The following SYN3 variants were observed in gnomAD, a reference collection of about 807,000 sequenced individuals.
SYN3 encodes synapsin-3.
A neutral mutation model predicts 65.8 loss-of-function variants in SYN3; 35 were observed. The observed-to-expected ratio is 0.53, with a 90% CI of 0.41 to 0.70. The LOEUF is 0.70. Ranked by LOEUF, SYN3 falls within the 30% of genes least tolerant of loss-of-function variation. The probability of loss-of-function intolerance (pLI) is 0.00; values close to 1 mark genes in which losing one functional copy is unlikely to be tolerated. For missense variants in SYN3, 680 were observed against 749.0 expected, an observed-to-expected ratio of 0.91 and a Z score of 1.08; for synonymous variants, 270 against 292.9, an observed-to-expected ratio of 0.92 and a Z score of 0.80.
intron 1 of SYN3, among the ~76,000 whole-genome samples, chr22:33,024,257 C>A (rs1439737058): frequency 6.6e-6 from 1 of 152,214 alleles, no homozygotes; most frequent in Non-Finnish European, 1.5e-5. Flanking sequence ...CACTCTTGAG[C>A]TTCTTTCCAT....
chr22:32,952,305 T>C (rs1432115502), intron 3 of SYN3, among the ~76,000 whole-genome samples: 1 of 150,714 alleles, frequency 6.6e-6, no homozygotes, highest in Non-Finnish European at 1.5e-5. Context: ...GGGGGGTGTG[T>C]GTGTGTGTGG....
chr22:32,834,319 A>G (rs1418096809), intron 6 of SYN3, among the ~76,000 whole-genome samples: 2 of 45,358 alleles, frequency 4.4e-5, no homozygotes, highest in Non-Finnish European at 1.1e-4. Flanking sequence ...CATCTGGCTA[A>G]TTTATTTTTT....
chr22:32,579,462 C>T (rs1032293940), intron 7 of SYN3, among the ~76,000 whole-genome samples: 4 of 152,136 alleles, frequency 2.6e-5, no homozygotes, highest in Admixed American at 2.0e-4. Flanking sequence ...ACACCTCCTA[C>T]GTAAGGGCAC....
intron 7 of SYN3, among the ~76,000 whole-genome samples, chr22:32,574,687 G>T (rs140424265): frequency 6.6e-6 from 1 of 152,122 alleles, no homozygotes; most frequent in African/African-American, 2.4e-5. Flanking sequence ...CTTTGCCCTT[G>T]GTACTCCCTC....
intron 4 of SYN3, among the ~76,000 whole-genome samples, chr22:32,893,886 A>T (rs1381050181): frequency 6.6e-6 from 1 of 152,062 alleles, no homozygotes; most frequent in Non-Finnish European, 1.5e-5. Context: ...GTCCTTCAAC[A>T]GTGCACATTT....
At chr22:32,679,873 G>T (rs2147107608) in intron 6 of SYN3, among the ~76,000 whole-genome samples, 5 of 41,588 alleles carry the variant, frequency 1.2e-4, no homozygotes, top group African/African-American at 2.4e-4. Context: ...TTGAGTTTTA[G>T]GAATTCCTTA....
At chr22:32,769,599 C>T (rs2045717314) in intron 6 of SYN3, among the ~76,000 whole-genome samples, 1 of 152,050 alleles carries the variant, frequency 6.6e-6, no homozygotes. Flanking sequence ...TCAACGCAAC[C>T]TCCGCCTCCC....
intron 6 of SYN3, among the ~76,000 whole-genome samples, chr22:32,626,343 T>A (rs2059666032): frequency 6.6e-6 from 1 of 152,044 alleles, no homozygotes; most frequent in Non-Finnish European, 1.5e-5. Context: ...GACAACAATG[T>A]GTGCTGAGAT....
chr22:32,964,793 A>G (rs1202815727), intron 3 of SYN3, among the ~76,000 whole-genome samples: 1 of 152,220 alleles, frequency 6.6e-6, no homozygotes, highest in Admixed American at 6.5e-5. Flanking sequence ...CTCCACAAGT[A>G]CAACCCTTGA....
chr22:32,554,988 C>T (rs1333200417), intron 7 of SYN3, among the ~76,000 whole-genome samples: 1 of 152,216 alleles, frequency 6.6e-6, no homozygotes, highest in East Asian at 1.9e-4. Context: ...TAAAAGAGCA[C>T]CTGGCTCATC....
chr22:32,695,134 C>A (rs1201495752), intron 6 of SYN3, among the ~76,000 whole-genome samples: 4 of 152,124 alleles, frequency 2.6e-5, no homozygotes, highest in Non-Finnish European at 5.9e-5. Context: ...ATGTTTCTGT[C>A]TTATTGCTCT....
At chr22:32,853,254 C>T (rs1251307856) in intron 6 of SYN3, among the ~76,000 whole-genome samples, 2 of 152,216 alleles carry the variant, frequency 1.3e-5, no homozygotes, top group Non-Finnish European at 2.9e-5. Context: ...TCCATTTCTA[C>T]ATTCTCTGCC....
At chr22:32,781,145 T>C (rs1407631694) in intron 6 of SYN3, among the ~76,000 whole-genome samples, 1 of 144,836 alleles carries the variant, frequency 6.9e-6, no homozygotes, top group African/African-American at 2.5e-5. Flanking sequence ...TCCTTTTAAA[T>C]TGTATAAAGC....
intron 6 of SYN3, among the ~76,000 whole-genome samples, chr22:32,722,860 G>A (rs1601982051): frequency 1.3e-5 from 2 of 152,204 alleles, no homozygotes; most frequent in South Asian, 2.1e-4. Context: ...CCCCAGAACC[G>A]AGGGCGGGAG....
chr22:32,858,298 G>C (rs1298406800), intron 6 of SYN3, among the ~76,000 whole-genome samples: 2 of 152,194 alleles, frequency 1.3e-5, no homozygotes, highest in Non-Finnish European at 2.9e-5. Context: ...AGTAAGGATT[G>C]TTGCCCCAGG....
chr22:32,598,450 C>T (rs940160511), intron 6 of SYN3, among the ~76,000 whole-genome samples: 1 of 152,148 alleles, frequency 6.6e-6, no homozygotes, highest in East Asian at 1.9e-4. Context: ...GAACAGTTCC[C>T]TTTTAGTCTA....
At chr22:32,710,960 C>T (rs1298759443) in intron 6 of SYN3, among the ~76,000 whole-genome samples, 5 of 152,186 alleles carry the variant, frequency 3.3e-5, no homozygotes, top group East Asian at 1.9e-4. Context: ...AGATGAACAT[C>T]GCCCTTTCTC....
intron 7 of SYN3, among the ~76,000 whole-genome samples, chr22:32,575,136 C>G (rs1009148689): frequency 3.3e-5 from 5 of 152,184 alleles, no homozygotes; most frequent in Non-Finnish European, 7.4e-5. Context: ...CTCTAGATCT[C>G]TTTTCTTTTT....
At chr22:32,988,264 G>A (rs531970317) in intron 2 of SYN3, among the ~76,000 whole-genome samples, 13 of 150,854 alleles carry the variant, frequency 8.6e-5, no homozygotes, top group Admixed American at 1.3e-4. Flanking sequence ...CCAAGATCTC[G>A]CCACTGCACT....
Sources: gnomAD v4.1 joint callset for allele counts (sites outside exome capture counted in the v4.1 genomes callset) on GRCh38, gnomAD v4.1.1 for gene constraint, MANE v1.5 for transcripts, NCBI Gene and HGNC (gene_info 2026-07-23, HGNC 2026-07-21) for gene names.